RAB40B: variants seen among roughly 807,000 people sequenced by gnomAD.
RAB40B encodes RAB40B, member RAS oncogene family, also known as ras-related protein Rab-40B.
RAB40B carries 21 observed loss-of-function variants against 24.0 expected under a neutral mutation model. That is an observed-to-expected ratio of 0.88 (90% CI 0.62 to 1.26). The LOEUF is 1.26. RAB40B is among the 50% of genes most tolerant of loss of function. RAB40B has a pLI of 0.00. For missense variants in RAB40B, 348 were observed against 390.5 expected, an observed-to-expected ratio of 0.89 and a Z score of 0.92; for synonymous variants, 167 against 169.8, an observed-to-expected ratio of 0.98 and a Z score of 0.13.
intron 1 of RAB40B, among the ~76,000 whole-genome samples, chr17:82,683,528 C>T (rs375898721): frequency 2.0e-5 from 3 of 152,202 alleles, no homozygotes; most frequent in South Asian, 2.1e-4. Flanking sequence ...TGGCTCACAA[C>T]TGTAATCCCA....
At chr17:82,677,477 T>A (rs1197855574) in intron 1 of RAB40B, among the ~76,000 whole-genome samples, 7 of 152,140 alleles carry the variant, frequency 4.6e-5, no homozygotes, top group Non-Finnish European at 7.4e-5. Context: ...AGCGGCCAGC[T>A]CAACACACTC....
In RAB40B at chr17:82,697,910, C is replaced by T. The variant is rs939062121; in HGVS notation, c.142+545G>A. 6.6e-6 allele frequency among the ~76,000 whole-genome samples: 1 copy of T among 152,098 alleles called. No individual in the cohort carries two copies. The highest frequency in any genetic ancestry group is 1.5e-5 in the Non-Finnish European group (1 of 67,996). On this transcript the variant is annotated intron_variant, in intron 1 of 5. Coordinates refer to ENST00000571995, the MANE Select transcript of RAB40B (RefSeq NM_006822.3). The surrounding 1 kb of genome is among the most constrained non-coding windows in gnomAD (Gnocchi z 4.9). ...TCCCCCGGACACGCGGGACCCCTGG[C>T]CTCGGGACCGGACCCTGGTCTCCCC...
rs2046272852 is a variant in RAB40B, at chr17:82,667,525, C to T, written c.143-2969G>A. Among the ~76,000 whole-genome samples, 1 of 152,220 alleles carries T rather than the reference C, an allele frequency of 6.6e-6. No individual in the cohort carries two copies. Among genetic ancestry groups the T allele is most frequent in the South Asian group, 2.1e-4 (1 of 4,834 alleles). On this transcript the variant is annotated intron_variant, in intron 1 of 5. Transcript: ENST00000571995. The surrounding 1 kb of genome is among the most constrained non-coding windows in gnomAD (Gnocchi z 4.3). ...TGTCCCCTGCCCTCTGCTTCCTCCT[C>T]CGGGCCCTGCCCCCTTCCTGGACTC...
Position 82,681,020 on chromosome 17 carries a change from CAAAAAAAAAAA to C in RAB40B, c.143-16475_143-16465del, listed in dbSNP as rs201799464. Among the ~76,000 whole-genome samples, 19 of 93,948 alleles carry C rather than the reference CAAAAAAAAAAA, an allele frequency of 2.0e-4. 1 individual carries two copies. The highest frequency in any genetic ancestry group is 1.8e-3 in the South Asian group (5 of 2,762). The allele number at this position is 93,948 out of a possible 152,430, so 61.6% of individuals were successfully genotyped here. On this transcript the variant is annotated intron_variant, in intron 1 of 5. Transcript: ENST00000571995. ...TGGGCAACAGAGCAAGACTCCATCT[CAAAAAAAAAAA>C]AAAAAAAAAAAAAAAAAAAGAAAGA...
intron 1 of RAB40B, among the ~76,000 whole-genome samples, chr17:82,688,609 C>T (rs1035420224): frequency 1.3e-5 from 2 of 151,650 alleles, no homozygotes; most frequent in South Asian, 2.1e-4. Flanking sequence ...AGCGAGACTC[C>T]GTCTCAAAAA....
intron 1 of RAB40B, among the ~76,000 whole-genome samples, chr17:82,691,407 C>A (rs534142524): frequency 1.1e-4 from 17 of 152,038 alleles, no homozygotes; most frequent in Non-Finnish European, 2.1e-4. Flanking sequence ...TGCAAAAGGC[C>A]GGGCGCGGTG....
At chr17:82,689,240 C>A (rs1017361173) in intron 1 of RAB40B, among the ~76,000 whole-genome samples, 1 of 152,246 alleles carries the variant, frequency 6.6e-6, no homozygotes, top group African/African-American at 2.4e-5. Context: ...TGAGCAGGTG[C>A]GGCTGGCAGG....
chr17:82,678,586 G>C (rs1366985213), intron 1 of RAB40B, among the ~76,000 whole-genome samples: 1 of 152,184 alleles, frequency 6.6e-6, no homozygotes, highest in Non-Finnish European at 1.5e-5. Flanking sequence ...TCTGTTGATG[G>C]TGCAAATATT....
chr17:82,659,747 CT>C (rs2046138358), intron 3 of RAB40B, 90 bp from the exon 4 acceptor site: 1 of 994,568 alleles, frequency 1.0e-6, no homozygotes, highest in South Asian at 1.4e-5. Context: ...TAAATAACCA[CT>C]TTCCTTATTT....
rs1256225638 is a variant in RAB40B, at chr17:82,692,820, A to G, written c.142+5635T>C. Reference sequence around the variant, plus strand: ...ATTAAGAGCTTCTGTTCATCCAAAAATACCACTGAAGGAGTGGAAAGGTGA... The same window carrying G: ...ATTAAGAGCTTCTGTTCATCCAAAAGTACCACTGAAGGAGTGGAAAGGTGA... On this transcript the variant is annotated intron_variant, in intron 1 of 5. Transcript: ENST00000571995. The surrounding 1 kb of genome is among the most constrained non-coding windows in gnomAD (Gnocchi z 4.0). 8.5e-5 allele frequency among the ~76,000 whole-genome samples: 13 copies of G among 152,220 alleles called. No individual in the cohort carries two copies. The highest frequency in any genetic ancestry group is 8.5e-4 in the Admixed American group (13 of 15,276).
chr17:82,695,449 C>G (rs919059758), intron 1 of RAB40B, among the ~76,000 whole-genome samples: 2 of 151,350 alleles, frequency 1.3e-5, no homozygotes, highest in Non-Finnish European at 2.9e-5. Context: ...CTTGGCCTCC[C>G]CAAGTGCTGG....
Position 82,657,836 on chromosome 17 carries a change from T to A in RAB40B, c.*27A>T. 1 of 1,588,020 alleles carries A rather than the reference T, an allele frequency of 6.3e-7. No individual in the cohort carries two copies. The highest frequency in any genetic ancestry group is 1.4e-5 in the African/African-American group (1 of 72,932). On this transcript the variant is annotated 3_prime_UTR_variant, in exon 6 of 6. Transcript: ENST00000571995. ...AACGCCGAGCTTCTCCTGGAGAGAT[T>A]CCGCCGTGTTTCTTTCAGTGCCTTC...
chr17:82,674,936 G>T (rs1030340910), intron 1 of RAB40B, among the ~76,000 whole-genome samples: 9 of 152,112 alleles, frequency 5.9e-5, no homozygotes, highest in African/African-American at 2.2e-4. Context: ...ATCCAGCCAC[G>T]CCTGAAACTA....
intron 2 of RAB40B, chr17:82,661,964 A>C (rs2143456986): frequency 3.0e-6 from 3 of 984,550 alleles, no homozygotes; most frequent in Non-Finnish European, 2.4e-6. Context: ...TTCCCAGAGG[A>C]GGCGGCCCTG....
At chr17:82,674,443 A>G (rs778024108) in intron 1 of RAB40B, among the ~76,000 whole-genome samples, 1 of 146,386 alleles carries the variant, frequency 6.8e-6, no homozygotes, top group Non-Finnish European at 1.5e-5. Context: ...CATCCTGGCT[A>G]ACAGGGTGAA....
At position 82,667,378 on chromosome 17, in the gene RAB40B, C is replaced by T. The variant is rs914462431; in HGVS notation, c.143-2822G>A. Reference sequence around the variant, plus strand: ...GCAGCAGCTCTGGGCCTCTGTCCTCCACTTTCCACTGATGCAGCCATGAGC... The same window carrying T: ...GCAGCAGCTCTGGGCCTCTGTCCTCTACTTTCCACTGATGCAGCCATGAGC... On this transcript the variant is annotated intron_variant, in intron 1 of 5. Transcript: ENST00000571995. The surrounding 1 kb of genome is among the most constrained non-coding windows in gnomAD (Gnocchi z 4.3). Among the ~76,000 whole-genome samples the T allele has an allele frequency of 2.0e-5, 3 of 152,238 alleles. No homozygotes were observed. The highest frequency in any genetic ancestry group is 2.9e-5 in the Non-Finnish European group (2 of 68,040).
chr17:82,681,106 A>C (rs2046445876), intron 1 of RAB40B, among the ~76,000 whole-genome samples: 1 of 151,860 alleles, frequency 6.6e-6, no homozygotes, highest in Non-Finnish European at 1.5e-5. Flanking sequence ...GAAGGCAAAT[A>C]TATCTGCTTC....
intron 1 of RAB40B, among the ~76,000 whole-genome samples, chr17:82,674,450 T>G (rs2046374980): frequency 7.3e-6 from 1 of 136,174 alleles, no homozygotes; most frequent in African/African-American, 2.8e-5. Context: ...GCTAACAGGG[T>G]GAAACCCCGT....
chr17:82,673,164 A>G (rs2046357910), intron 1 of RAB40B, among the ~76,000 whole-genome samples: 1 of 152,178 alleles, frequency 6.6e-6, no homozygotes, highest in Admixed American at 6.5e-5. Flanking sequence ...AGATCGTGCA[A>G]CTGCACTCCA....
Sources: allele counts gnomAD v4.1 joint callset (sites outside exome capture counted in the v4.1 genomes callset), GRCh38; gene constraint gnomAD v4.1.1; non-coding constraint Gnocchi (gnomAD v3.1); transcripts MANE v1.5; gene names NCBI Gene and HGNC (gene_info 2026-07-23, HGNC 2026-07-21).